The following DACH2 variants were observed in gnomAD, a reference collection of about 807,000 sequenced individuals.
The protein encoded by DACH2 is dachshund family transcription factor 2, also known as dachshund homolog 2.
DACH2 carries 17 observed loss-of-function variants against 35.8 expected under a neutral mutation model. The observed-to-expected ratio is 0.48, with a 90% CI of 0.33 to 0.71. DACH2 has a LOEUF of 0.71. DACH2 is among the 30% of genes least tolerant of loss of function. DACH2 has a pLI of 0.02. For missense variants in DACH2, 469 were observed against 472.7 expected (o/e 0.99, Z 0.07); for synonymous variants, 195 against 177.3 (o/e 1.10, Z -0.79).
At chrX:86,726,506 G>T (rs766639284) in intron 6 of DACH2, among the ~76,000 whole-genome samples, 1 of 111,345 alleles carries the variant, frequency 9.0e-6, no homozygotes, top group African/African-American at 3.3e-5. Flanking sequence ...GTGTGTGGGA[G>T]CATTCAGTTT....
chrX:86,495,990 A>T (rs2038164493), intron 2 of DACH2, among the ~76,000 whole-genome samples: 1 of 111,192 alleles, frequency 9.0e-6, no homozygotes, highest in Non-Finnish European at 1.9e-5. Flanking sequence ...AAGTGGAACG[A>T]TTTGGGACTA....
At chrX:86,621,783 G>T (rs770466751) in intron 3 of DACH2, among the ~76,000 whole-genome samples, 1 of 111,856 alleles carries the variant, frequency 8.9e-6, no homozygotes, top group Non-Finnish European at 1.9e-5. Flanking sequence ...ACAGCAGTGG[G>T]TGTCCAATAA....
rs192642019 is a variant in DACH2 at position 86,313,246 on chromosome X, A to G, written c.489-63578A>G. Among the ~76,000 whole-genome samples, 763 of 111,757 alleles carry G rather than the reference A, an allele frequency of 6.8e-3. 7 individuals carry two copies. Among genetic ancestry groups the G allele is most frequent in the African/African-American group, 0.024 (726 of 30,777 alleles). ...CTAAAAAAGCTGAAATGTAATATGC[A>G]ATGTTCCTTATTTTTAAAAGACAAA... On this transcript the variant is annotated intron_variant, in intron 1 of 11. Coordinates refer to ENST00000373125, the MANE Select transcript of DACH2 (RefSeq NM_053281.3).
chrX:86,334,309 G>A (rs1452428076), intron 1 of DACH2, among the ~76,000 whole-genome samples: 1 of 111,292 alleles, frequency 9.0e-6, no homozygotes, highest in Non-Finnish European at 1.9e-5. Context: ...TTATTTCTAG[G>A]TTTAGATCCT....
intron 6 of DACH2, among the ~76,000 whole-genome samples, chrX:86,723,413 G>T (rs2041431006): frequency 9.4e-6 from 1 of 106,099 alleles, no homozygotes; most frequent in Admixed American, 1.0e-4. Context: ...CTTTCTACAT[G>T]TTTGAAGTAG....
chrX:86,458,397 CA>C (rs1014998324), intron 2 of DACH2, among the ~76,000 whole-genome samples: 2 of 111,528 alleles, frequency 1.8e-5, no homozygotes, highest in Non-Finnish European at 3.8e-5. Flanking sequence ...TCCCCAGTGT[CA>C]GGGGCTGATA....
chrX:86,628,052 A>G (rs1452911910), intron 3 of DACH2, among the ~76,000 whole-genome samples: 2 of 112,116 alleles, frequency 1.8e-5, no homozygotes, highest in African/African-American at 6.5e-5. Flanking sequence ...TTGGGCTAAT[A>G]GCCCTTTTTC....
chrX:86,599,176 G>A (rs1183501371), intron 3 of DACH2, among the ~76,000 whole-genome samples: 1 of 111,093 alleles, frequency 9.0e-6, no homozygotes, highest in Non-Finnish European at 1.9e-5. Flanking sequence ...GTGTATATGT[G>A]CCACATTTTA....
At chrX:86,737,616 T>C (rs1444866768) in intron 6 of DACH2, among the ~76,000 whole-genome samples, 1 of 111,711 alleles carries the variant, frequency 9.0e-6, no homozygotes, top group Non-Finnish European at 1.9e-5. Flanking sequence ...ACAGTGCAAA[T>C]TTATTATCTT....
intron 3 of DACH2, among the ~76,000 whole-genome samples, chrX:86,576,570 G>A (rs1418863937): frequency 1.8e-5 from 2 of 111,028 alleles, no homozygotes; most frequent in Non-Finnish European, 3.8e-5. Context: ...TGATTTCAAA[G>A]CAACATTTAA....
chrX:86,546,928 C>A lies in DACH2; in HGVS notation c.640+32537C>A, dbSNP rs1392106423. 1.1e-4 allele frequency among the ~76,000 whole-genome samples: 12 copies of A among 110,662 alleles called. No individual in the cohort carries two copies. The Admixed American group carries it at 1.2e-3, about 11-fold the overall frequency. On this transcript the variant is annotated intron_variant, in intron 3 of 11. Coordinates refer to ENST00000373125, the MANE Select transcript of DACH2 (RefSeq NM_053281.3). ...GGTTATAAGCCTTCTGAACTGCGCCCATTTTCACTTGTTTTTAATGATTAG... is the reference window on the plus strand; with the variant it reads ...GGTTATAAGCCTTCTGAACTGCGCCAATTTTCACTTGTTTTTAATGATTAG...
intron 3 of DACH2, among the ~76,000 whole-genome samples, chrX:86,588,380 A>AT (rs1411195502): frequency 9.0e-6 from 1 of 111,221 alleles, no homozygotes; most frequent in African/African-American, 3.3e-5. Flanking sequence ...TTTAGAATAG[A>AT]TTTTTCTAAT....
intron 1 of DACH2, among the ~76,000 whole-genome samples, chrX:86,226,205 C>G (rs773454727): frequency 1.3e-4 from 15 of 111,400 alleles, no homozygotes; most frequent in Admixed American, 2.9e-4. Flanking sequence ...CAGTTTTGAA[C>G]GTGTAAAAAA....
At chrX:86,754,031 T>A (rs2041802662) in intron 7 of DACH2, among the ~76,000 whole-genome samples, 1 of 111,092 alleles carries the variant, frequency 9.0e-6, no homozygotes, top group Admixed American at 9.6e-5. Flanking sequence ...GATCCGTAAC[T>A]ATTCAGACAT....
chrX:86,588,216 C>T (rs1473649143), intron 3 of DACH2, among the ~76,000 whole-genome samples: 3 of 110,649 alleles, frequency 2.7e-5, no homozygotes, highest in Non-Finnish European at 5.7e-5. Flanking sequence ...CTATTCTTTC[C>T]ATTGGTCTCT....
intron 3 of DACH2, among the ~76,000 whole-genome samples, chrX:86,546,388 TCTTCTTCTTCTTCTTC>T (rs2038963850): frequency 6.0e-5 from 5 of 83,282 alleles, no homozygotes; most frequent in African/African-American, 2.3e-4. Context: ...TTCTTCTTCT[TCTTCTTCTTCTTCTTC>T]CTTCTTCTTC....
chrX:86,664,571 AG>A (rs1254200590), intron 4 of DACH2, among the ~76,000 whole-genome samples: 1 of 112,372 alleles, frequency 8.9e-6, no homozygotes, highest in African/African-American at 3.2e-5. Context: ...AGGAACCATC[AG>A]GAGGGGAAAA....
intron 1 of DACH2, among the ~76,000 whole-genome samples, chrX:86,239,354 C>G (rs935719519): frequency 9.0e-6 from 1 of 111,308 alleles, no homozygotes. Flanking sequence ...CCTTTTTACC[C>G]CATTTTAGAT....
intron 4 of DACH2, among the ~76,000 whole-genome samples, chrX:86,694,362 A>G (rs1472184498): frequency 8.9e-6 from 1 of 112,410 alleles, no homozygotes; most frequent in Non-Finnish European, 1.9e-5. Context: ...CCCCCATAGT[A>G]TGCTAGATAC....
Sources: allele counts gnomAD v4.1 joint callset (sites outside exome capture counted in the v4.1 genomes callset), GRCh38; gene constraint gnomAD v4.1.1; transcripts MANE v1.5; gene names NCBI Gene and HGNC (gene_info 2026-07-23, HGNC 2026-07-21).